The following RBFOX1 variants were observed in gnomAD, a reference collection of about 807,000 sequenced individuals.
RBFOX1 encodes the protein RNA binding protein fox-1 homolog 1.
Under a neutral mutation model 57.7 loss-of-function variants are expected in RBFOX1, and 8 were observed. The observed-to-expected ratio is 0.14, with a 90% confidence interval of 0.08 to 0.25. RBFOX1 has a LOEUF of 0.25. RBFOX1 is among the 10% of genes least tolerant of loss of function. RBFOX1 has a pLI of 1.00. For missense variants in RBFOX1, 611 were observed against 548.5 expected (o/e 1.11, Z -1.14); for synonymous variants, 326 against 222.4 (o/e 1.47, Z -4.15).
intron 1 of RBFOX1, among the ~76,000 whole-genome samples, chr16:6,207,814 C>T (rs574478057): frequency 6.6e-5 from 10 of 151,994 alleles, no homozygotes; most frequent in East Asian, 1.9e-4. Flanking sequence ...CAGCCTGTTG[C>T]GTAGCTGGGA....
At chr16:7,471,095 C>T (rs2061475432) in intron 4 of RBFOX1, among the ~76,000 whole-genome samples, 1 of 152,026 alleles carries the variant, frequency 6.6e-6, no homozygotes, top group Non-Finnish European at 1.5e-5. Flanking sequence ...CAACCAGTCT[C>T]TCTATAAAGA....
chr16:6,220,308 A>G (rs1291151687), intron 1 of RBFOX1, among the ~76,000 whole-genome samples: 1 of 152,138 alleles, frequency 6.6e-6, no homozygotes, highest in Admixed American at 6.6e-5. Context: ...ACTAATGCAG[A>G]TACATGTTCA....
chr16:5,521,310 C>T, intron 2 of RBFOX1, among the ~76,000 whole-genome samples: 1 of 147,028 alleles, frequency 6.8e-6, no homozygotes, highest in Non-Finnish European at 1.5e-5. Context: ...AACTGCTGCC[C>T]CAGGTCCGTG....
chr16:5,439,801 T>C (rs2068029954), intron 1 of RBFOX1, among the ~76,000 whole-genome samples: 1 of 152,054 alleles, frequency 6.6e-6, no homozygotes, highest in South Asian at 2.1e-4. Context: ...TCAGGAAACT[T>C]ACAATCATGG....
At chr16:5,771,861 C>T (rs747394707) in intron 3 of RBFOX1, among the ~76,000 whole-genome samples, 2 of 152,118 alleles carry the variant, frequency 1.3e-5, no homozygotes, top group South Asian at 2.1e-4. Flanking sequence ...TCAGTTCAAT[C>T]AGTATGGTAC....
At position 6,528,903 on chromosome 16, in the gene RBFOX1, A is replaced by G. The variant is rs552635151; in HGVS notation, c.-63-125700A>G. Among the ~76,000 whole-genome samples, 21 of 152,330 alleles carry G rather than the reference A, an allele frequency of 1.4e-4. No homozygotes were observed. The East Asian group carries it at 3.3e-3, about 24-fold the overall frequency. On this transcript the variant is annotated intron_variant, in intron 2 of 15. Transcript: ENST00000550418. The stretch of plus-strand genomic sequence containing the variant: ...GTCTCCTGGTGGAAGAAATTGGTGT[A>G]GGGGCCAGAGGAATATTTATTAAAT...
intron 1 of RBFOX1, among the ~76,000 whole-genome samples, chr16:6,255,620 A>C (rs1210776640): frequency 6.6e-6 from 1 of 152,142 alleles, no homozygotes; most frequent in Non-Finnish European, 1.5e-5. Flanking sequence ...TTCAAAGTCC[A>C]CAGAGAAGTG....
chr16:6,875,740 C>A (rs1034347603), intron 3 of RBFOX1, among the ~76,000 whole-genome samples: 2 of 152,168 alleles, frequency 1.3e-5, no homozygotes, highest in Admixed American at 6.5e-5. Flanking sequence ...CATGGTGGCC[C>A]ATGCCTGTAA....
chr16:5,954,460 A>G (rs1165400550), intron 4 of RBFOX1, among the ~76,000 whole-genome samples: 6 of 152,078 alleles, frequency 3.9e-5, no homozygotes, highest in African/African-American at 2.4e-5. Flanking sequence ...GGTACAAAAC[A>G]GGGAGATTTT....
rs142243979 is a variant in RBFOX1, at chr16:7,076,110, C to T, written c.27+24012C>T. ...AGGCTGGACTGCCATGGCGCGATCT[C>T]GGCTCACTGCAACCTCTGCCTCCCG... On this transcript the variant is annotated intron_variant, in intron 4 of 15. Transcript: ENST00000550418. Among the ~76,000 whole-genome samples the T allele has an allele frequency of 3.3e-4, 50 of 150,386 alleles. 1 individual carries two copies. In the East Asian group the frequency reaches 8.9e-3, roughly 27 times the overall value.
chr16:5,467,174 TTCTC>T (rs34212245), intron 1 of RBFOX1: 1,045 of 1,264,622 alleles, frequency 8.3e-4, no homozygotes, highest in East Asian at 4.2e-3. Context: ...TCAATGTTTC[TTCTC>T]TCTCTCTCTC....
At chr16:6,659,178 A>G (rs1035589929) in intron 3 of RBFOX1, among the ~76,000 whole-genome samples, 3 of 152,064 alleles carry the variant, frequency 2.0e-5, no homozygotes, top group Admixed American at 6.6e-5. Flanking sequence ...GATTCAGGTG[A>G]TGAGAGGAGA....
At position 7,608,499 on chromosome 16, in the gene RBFOX1, C is replaced by G. The variant is rs79082026; in HGVS notation, c.676+1161C>G. On this transcript the variant is annotated intron_variant, in intron 10 of 15. Transcript: ENST00000550418. ...CAGGGATTCTAACACTGCAAAATAGCTGTGTTCACTCTTGTGGGGGAAGAG... is the reference window on the plus strand; with the variant it reads ...CAGGGATTCTAACACTGCAAAATAGGTGTGTTCACTCTTGTGGGGGAAGAG... Among the ~76,000 whole-genome samples, 1,413 of 152,300 alleles carry G rather than the reference C, an allele frequency of 9.3e-3. 19 individuals are homozygous for G. Among genetic ancestry groups the G allele is most frequent in the Non-Finnish European group, 0.011 (752 of 68,028 alleles).
chr16:7,062,892 CATTTTTTTTTTTTTTTTTTTT>C (rs1483621928), intron 4 of RBFOX1, among the ~76,000 whole-genome samples: 3 of 59,950 alleles, frequency 5.0e-5, no homozygotes, highest in Admixed American at 4.7e-4. Flanking sequence ...AAATGATCGC[CATTTTTTTTTTTTTTTTTTTT>C]TTTTTTTTTT....
chr16:6,800,730 C>G (rs1228564330), intron 3 of RBFOX1, among the ~76,000 whole-genome samples: 1 of 152,036 alleles, frequency 6.6e-6, no homozygotes, highest in Non-Finnish European at 1.5e-5. Context: ...CTCCTTTTAT[C>G]TTTTAGATAA....
intron 4 of RBFOX1, among the ~76,000 whole-genome samples, chr16:7,100,562 GTTGT>G (rs1462952908): frequency 4.6e-5 from 5 of 108,764 alleles, no homozygotes; most frequent in Admixed American, 1.1e-4. Flanking sequence ...GTTTTTAAAG[GTTGT>G]TTTTTTTTTT....
At chr16:5,643,012 T>G (rs893326824) in intron 3 of RBFOX1, among the ~76,000 whole-genome samples, 5 of 152,154 alleles carry the variant, frequency 3.3e-5, no homozygotes, top group African/African-American at 1.2e-4. Flanking sequence ...CTGGAGCCCT[T>G]GCAGCAGGTC....
chr16:7,340,828 A>T lies in RBFOX1; in HGVS notation c.28-177319A>T, dbSNP rs892148172. On this transcript the variant is annotated intron_variant, in intron 4 of 15. Coordinates refer to ENST00000550418, the MANE Select transcript of RBFOX1 (RefSeq NM_018723.4). ...TTAAGAGATTAAAGGGACACTGTCA[A>T]TCTCTTCTGATTAATATCAGTCCTA... Among the ~76,000 whole-genome samples, 8 of 152,334 alleles carry T rather than the reference A, an allele frequency of 5.3e-5. No homozygotes were observed. The East Asian group carries it at 1.5e-3, about 29-fold the overall frequency.
intron 3 of RBFOX1, among the ~76,000 whole-genome samples, chr16:6,963,991 C>T (rs868602686): frequency 6.6e-6 from 1 of 151,546 alleles, no homozygotes; most frequent in Middle Eastern, 3.5e-3. Context: ...AGCCACTGCG[C>T]CCAGCCCCGG....
Sources: gnomAD v4.1 joint callset for allele counts (sites outside exome capture counted in the v4.1 genomes callset) on GRCh38, gnomAD v4.1.1 for gene constraint, MANE v1.5 for transcripts, NCBI Gene and HGNC (gene_info 2026-07-23, HGNC 2026-07-21) for gene names.